The following CELF2 variants were observed in gnomAD, a reference collection of about 807,000 sequenced individuals.
CELF2 encodes the protein CUGBP Elav-like family member 2.
Under a neutral mutation model 62.6 loss-of-function variants are expected in CELF2, and 8 were observed. That is an observed-to-expected ratio of 0.13 (90% confidence interval 0.07 to 0.23). The LOEUF is 0.23. CELF2 is among the 10% of genes least tolerant of loss of function. The probability of loss-of-function intolerance (pLI) is 1.00; values close to 1 mark genes in which losing one functional copy is unlikely to be tolerated. For missense variants in CELF2, 333 were observed against 671.0 expected (o/e 0.50, Z 5.56); for synonymous variants, 258 against 250.0 (o/e 1.03, Z -0.30).
Position 10,936,295 on chromosome 10 carries a change from A to G in CELF2, c.89+16296A>G, listed in dbSNP as rs1381669055. Among the ~76,000 whole-genome samples the G allele has an allele frequency of 6.6e-6, 1 of 152,254 alleles. No individual in the cohort carries two copies. The highest frequency in any genetic ancestry group is 1.9e-4 in the East Asian group (1 of 5,204). ...CACATTTTAACATAAAGATTGTCCA[A>G]GATCACAGAGTAATCTGCATAATTG... On this transcript the variant is annotated intron_variant, in intron 2 of 13. Transcript: ENST00000636488. This position sits in a 1 kb window ranked among gnomAD's most constrained non-coding sequence, Gnocchi z 4.0.
the CELF2 span, among the ~76,000 whole-genome samples, chr10:10,661,122 G>C: frequency 6.6e-6 from 1 of 152,180 alleles, no homozygotes; most frequent in Admixed American, 6.5e-5. Flanking sequence ...TGCAAATCAA[G>C]ACAGAATACT....
chr10:11,094,974 A>G (rs939261353), intron 1 of CELF2, among the ~76,000 whole-genome samples: 1 of 152,236 alleles, frequency 6.6e-6, no homozygotes, highest in African/African-American at 2.4e-5. Flanking sequence ...TGAAAACAGT[A>G]TAATTACATT....
At chr10:11,176,071 A>G (rs943663460) in intron 2 of CELF2, among the ~76,000 whole-genome samples, 3 of 152,178 alleles carry the variant, frequency 2.0e-5, no homozygotes, top group African/African-American at 7.2e-5. Context: ...ATCCTGTGCT[A>G]TTCATATAAT....
At position 11,270,719 on chromosome 10, in the gene CELF2, G is replaced by A; in HGVS notation, c.672G>A (p.Glu224=). The A allele has an allele frequency of 5.8e-6, 9 of 1,563,694 alleles. No homozygotes were observed. Among genetic ancestry groups the A allele is most frequent in the East Asian group, 2.4e-5 (1 of 41,628 alleles). Residue 224 remains glutamate (E), a synonymous_variant, in exon 7 of 13, where the codon GAG becomes GAA. Coordinates refer to ENST00000633077, the MANE Select transcript of CELF2 (RefSeq NM_001326342.2). This position sits in a 1 kb window ranked among gnomAD's most constrained non-coding sequence, Gnocchi z 5.8. ...TTGCTGACACTCAGAAGGACAAAGA[G>A]CAAAGGCGCCTCCAGCAGCAGCTCG... is the stretch of plus-strand genomic sequence containing the variant. ...VKFADTQKDK[E]QRRLQQQLAQ... is the part of the protein sequence containing the mutation.
chr10:11,319,918 CCGGATTCT>C lies in CELF2; in HGVS notation c.1097-1269_1097-1262del. 2 of 469,432 alleles carry C rather than the reference CCGGATTCT, an allele frequency of 4.3e-6. No individual in the cohort carries two copies. Among genetic ancestry groups the C allele is most frequent in the Non-Finnish European group, 8.8e-6 (2 of 226,544 alleles). 29.1% of individuals were successfully genotyped at this position (469,432 alleles called of 1,614,324 possible). A position where few individuals can be genotyped will look rare whatever the true frequency, so the allele number is the denominator to read the frequency against. ...TGGGCGTGTGGAGGTCACTCTGCTGCCGGATTCTCTGGTGTTTCCAGGCAGCCTTACCT... is the reference window on the plus strand; with the variant it reads ...TGGGCGTGTGGAGGTCACTCTGCTGCCTGGTGTTTCCAGGCAGCCTTACCT... On this transcript the variant is annotated intron_variant, in intron 10 of 12. Coordinates refer to ENST00000633077, the MANE Select transcript of CELF2 (RefSeq NM_001326342.2). This position sits in a 1 kb window ranked among gnomAD's most constrained non-coding sequence, Gnocchi z 4.4.
intron 1 of CELF2, among the ~76,000 whole-genome samples, chr10:11,055,782 G>T (rs1272032285): frequency 2.0e-5 from 3 of 152,196 alleles, no homozygotes; most frequent in Non-Finnish European, 4.4e-5. Flanking sequence ...GCTCTTACAT[G>T]TGAGTCTTTT....
At chr10:11,024,141 T>A (rs1312577885) in intron 1 of CELF2, among the ~76,000 whole-genome samples, 1 of 152,210 alleles carries the variant, frequency 6.6e-6, no homozygotes, top group Non-Finnish European at 1.5e-5. Context: ...TACTTAAGGT[T>A]GGGTTTTAAA....
At chr10:10,674,917 A>G in the CELF2 span, among the ~76,000 whole-genome samples, 1 of 152,082 alleles carries the variant, frequency 6.6e-6, no homozygotes, top group Non-Finnish European at 1.5e-5. Context: ...CATTTATTTC[A>G]CTTATATGTA....
intron 1 of CELF2, among the ~76,000 whole-genome samples, chr10:10,802,367 G>A (rs2054760104): frequency 6.6e-6 from 1 of 152,220 alleles, no homozygotes; most frequent in African/African-American, 2.4e-5. Flanking sequence ...CTACTCAGGA[G>A]GCTGAGGCAG....
upstream of CELF2, among the ~76,000 whole-genome samples, chr10:10,796,021 T>C (rs1564632990): frequency 6.6e-6 from 1 of 152,126 alleles, no homozygotes; most frequent in Admixed American, 6.5e-5. Flanking sequence ...TTCCCCGCAG[T>C]TGCCTTCTAC....
intron 1 of CELF2, among the ~76,000 whole-genome samples, chr10:10,906,864 A>G (rs1245876863): frequency 6.6e-6 from 1 of 151,724 alleles, no homozygotes; most frequent in Non-Finnish European, 1.5e-5. Flanking sequence ...AATTACAGGC[A>G]CAAGCCGCCA....
chr10:10,853,509 G>A (rs758032634), intron 1 of CELF2, among the ~76,000 whole-genome samples: 3 of 152,166 alleles, frequency 2.0e-5, no homozygotes, highest in East Asian at 3.9e-4. Flanking sequence ...GGAAGTCTAG[G>A]AAACATAACT....
chr10:10,589,574 G>T, the CELF2 span, among the ~76,000 whole-genome samples: 11 of 152,112 alleles, frequency 7.2e-5, no homozygotes, highest in East Asian at 2.1e-3. Flanking sequence ...GCTGTGGCTG[G>T]TGCTGTTAAC....
chr10:10,866,945 G>A (rs2060423655), intron 1 of CELF2, among the ~76,000 whole-genome samples: 1 of 151,496 alleles, frequency 6.6e-6, no homozygotes, highest in Admixed American at 6.6e-5. Flanking sequence ...AAAAAGTGGG[G>A]TGAAATACTC....
At chr10:10,556,699 T>C in the CELF2 span, among the ~76,000 whole-genome samples, 1 of 152,004 alleles carries the variant, frequency 6.6e-6, no homozygotes, top group African/African-American at 2.4e-5. Context: ...CACCTGTTGT[T>C]TCCTGACTTT....
rs561556042 is a variant in CELF2 at position 11,311,460 on chromosome 10, A to G, written c.977-2679A>G. Among the ~76,000 whole-genome samples, 1 of 152,332 alleles carries G rather than the reference A, an allele frequency of 6.6e-6. No homozygotes were observed. The highest frequency in any genetic ancestry group is 2.1e-4 in the South Asian group (1 of 4,830). On this transcript the variant is annotated intron_variant, in intron 9 of 12. Transcript: ENST00000633077. The surrounding 1 kb of genome is among the most constrained non-coding windows in gnomAD (Gnocchi z 4.7). ...ACAACCAAAAAAAACCCCACAAAAT[A>G]TACAAGTAAACCAAGCACCAAGAGT...
At chr10:10,662,195 T>C in the CELF2 span, among the ~76,000 whole-genome samples, 6 of 152,110 alleles carry the variant, frequency 3.9e-5, no homozygotes, top group East Asian at 1.9e-4. Flanking sequence ...CTAGGAGACA[T>C]AAATTCTCTT....
At chr10:10,602,546 C>G in the CELF2 span, among the ~76,000 whole-genome samples, 2 of 152,204 alleles carry the variant, frequency 1.3e-5, no homozygotes, top group African/African-American at 4.8e-5. Flanking sequence ...TACGCAAAGT[C>G]ATTTTCATTT....
chr10:11,083,063 G>A lies in CELF2; in HGVS notation c.74+64900G>A, dbSNP rs141011003. ...AAGGAGTCAGCCATGAGGATGGATC[G>A]TAACCCTGGGTCCCATCCCAGGACA... is the stretch of plus-strand genomic sequence containing the variant. On this transcript the variant is annotated intron_variant, in intron 1 of 12. Coordinates refer to ENST00000633077, the MANE Select transcript of CELF2 (RefSeq NM_001326342.2). 6.6e-3 allele frequency among the ~76,000 whole-genome samples: 1,000 copies of A among 152,284 alleles called. 15 individuals carry two copies. The highest frequency in any genetic ancestry group is 0.023 in the African/African-American group (955 of 41,546).
Sources: allele counts gnomAD v4.1 joint callset (sites outside exome capture counted in the v4.1 genomes callset), GRCh38; gene constraint gnomAD v4.1.1; non-coding constraint Gnocchi (gnomAD v3.1); transcripts MANE v1.5; gene names NCBI Gene and HGNC (gene_info 2026-07-23, HGNC 2026-07-21).